Variants in DCC observed in about 807,000 individuals in gnomAD.
DCC encodes netrin receptor DCC.
DCC carries 58 observed loss-of-function variants against 172.5 expected under a neutral mutation model. The observed-to-expected ratio is 0.34, with a 90% CI of 0.27 to 0.42. The LOEUF is 0.42. Ranked by LOEUF, DCC falls within the 10% of genes least tolerant of loss-of-function variation. The probability of loss-of-function intolerance (pLI) is 1.00; values close to 1 mark genes in which losing one functional copy is unlikely to be tolerated. For missense variants in DCC, 1,740 were observed against 1,791.0 expected, an observed-to-expected ratio of 0.97 and a Z score of 0.51; for synonymous variants, 709 against 644.5, an observed-to-expected ratio of 1.10 and a Z score of -1.52.
intron 14 of DCC, among the ~76,000 whole-genome samples, chr18:53,331,258 TG>T (rs1193985359): frequency 6.6e-6 from 1 of 152,224 alleles, no homozygotes; most frequent in Non-Finnish European, 1.5e-5. Context: ...TCTGTAGTTT[TG>T]AGAGCATACG....
intron 12 of DCC, among the ~76,000 whole-genome samples, chr18:53,251,179 G>T (rs1449746163): frequency 6.6e-6 from 1 of 151,894 alleles, no homozygotes; most frequent in African/African-American, 2.4e-5. Context: ...CTTTCTGACA[G>T]ATGTTGTTAA....
intron 12 of DCC, among the ~76,000 whole-genome samples, chr18:53,255,827 C>A (rs1044145299): frequency 1.3e-5 from 2 of 152,160 alleles, no homozygotes; most frequent in Non-Finnish European, 2.9e-5. Context: ...ACAGTTCCAC[C>A]AACAGTGTAA....
chr18:52,905,751 T>C (rs1598916093), intron 2 of DCC, among the ~76,000 whole-genome samples: 1 of 152,332 alleles, frequency 6.6e-6, no homozygotes, highest in Non-Finnish European at 1.5e-5. Context: ...AATTTCCTTA[T>C]CTATAAAATT....
chr18:53,159,867 A>T (rs898273557), intron 8 of DCC, among the ~76,000 whole-genome samples: 15 of 152,326 alleles, frequency 9.8e-5, no homozygotes, highest in Non-Finnish European at 1.9e-4. Flanking sequence ...TCTACCTGTT[A>T]GCATTGCTAT....
rs1460309093 is a variant in DCC at position 53,047,293 on chromosome 18, T to G, written c.986-16012T>G. Among the ~76,000 whole-genome samples the G allele has an allele frequency of 4.9e-4, 8 of 16,326 alleles. 1 individual carries two copies. Among genetic ancestry groups the G allele is most frequent in the Middle Eastern group, 0.028 (1 of 36 alleles). The allele number at this position is 16,326 out of a possible 152,430, so 10.7% of individuals were successfully genotyped here. A position where few individuals can be genotyped will look rare whatever the true frequency, so the allele number is the denominator to read the frequency against. On this transcript the variant is annotated intron_variant, in intron 5 of 28. Coordinates refer to ENST00000442544, the MANE Select transcript of DCC (RefSeq NM_005215.4). ...ATATATATATATATATATATAATTT[T>G]ATATATATATATATAATTTTATATA... is the stretch of plus-strand genomic sequence containing the variant.
intron 1 of DCC, among the ~76,000 whole-genome samples, chr18:52,573,574 G>T (rs531703899): frequency 2.0e-5 from 3 of 152,274 alleles, no homozygotes; most frequent in South Asian, 2.1e-4. Flanking sequence ...TTCATTTGTG[G>T]TGTTTTCATT....
chr18:53,483,656 A>G (rs537966048), intron 25 of DCC, among the ~76,000 whole-genome samples: 33 of 151,934 alleles, frequency 2.2e-4, no homozygotes, highest in African/African-American at 7.2e-4. Context: ...TTATATATCT[A>G]TCTTATTTTT....
rs147177994 is a variant in DCC, at chr18:52,906,097, A to G, written c.466A>G (p.Thr156Ala). ...ATCTGTCACAGCCTTCATGGGAGACACAGTGCTACTCAAGTGTGAAGTCAT... is the reference window on the plus strand; with the variant it reads ...ATCTGTCACAGCCTTCATGGGAGACGCAGTGCTACTCAAGTGTGAAGTCAT... ...TESVTAFMGD[T>A]VLLKCEVIGE... is the part of the protein sequence containing the mutation. The change falls in exon 3 of 29, where the codon ACA (threonine) becomes GCA (alanine). Residue 156 changes from threonine (T) to alanine (A), a missense_variant. Thr to Ala is a moderately conservative substitution (Grantham distance 58, BLOSUM62 0). Transcript: ENST00000442544. 51 of 1,613,114 alleles carry G rather than the reference A, an allele frequency of 3.2e-5. No homozygotes were observed. The African/African-American group carries it at 6.4e-4, about 20-fold the overall frequency.
At chr18:52,844,749 GCTT>G (rs1435967353) in intron 2 of DCC, among the ~76,000 whole-genome samples, 2 of 152,112 alleles carry the variant, frequency 1.3e-5, no homozygotes, top group Non-Finnish European at 2.9e-5. Context: ...TGACTATATT[GCTT>G]CTTTTATTCA....
chr18:52,841,969 A>C (rs2038814524), intron 2 of DCC, among the ~76,000 whole-genome samples: 1 of 150,702 alleles, frequency 6.6e-6, no homozygotes, highest in African/African-American at 2.4e-5. Flanking sequence ...ACAAAGATTA[A>C]AGTTTGAGGA....
rs114854986 is a variant in DCC, at chr18:52,881,585, C to T, written c.413-24459C>T. 2.1e-3 allele frequency among the ~76,000 whole-genome samples: 323 copies of T among 152,126 alleles called. 1 individual carries two copies. Among genetic ancestry groups the T allele is most frequent in the African/African-American group, 7.3e-3 (302 of 41,542 alleles). On this transcript the variant is annotated intron_variant, in intron 2 of 28. Transcript: ENST00000442544. ...CTATGAATATCCAGTTTCCCACCAC[C>T]GTTCATTGTTGAAAATGATTTACTG...
At chr18:53,477,104 G>C (rs1431619789) in intron 25 of DCC, among the ~76,000 whole-genome samples, 1 of 152,148 alleles carries the variant, frequency 6.6e-6, no homozygotes, top group African/African-American at 2.4e-5. Flanking sequence ...CACCTCACGG[G>C]CTCAAGCAAT....
chr18:52,829,031 A>G (rs1389074670), intron 2 of DCC, among the ~76,000 whole-genome samples: 3 of 152,234 alleles, frequency 2.0e-5, no homozygotes, highest in Admixed American at 2.0e-4. Context: ...AAATACAATT[A>G]GGTCAAATTA....
intron 1 of DCC, among the ~76,000 whole-genome samples, chr18:52,374,916 T>G (rs1325824749): frequency 2.6e-5 from 4 of 152,192 alleles, no homozygotes; most frequent in African/African-American, 9.6e-5. Flanking sequence ...CCTTTTTTTC[T>G]CCTTCTCAAT....
At chr18:53,200,832 A>G (rs72923243) in intron 9 of DCC, among the ~76,000 whole-genome samples, 188 of 152,116 alleles carry the variant, frequency 1.2e-3, no homozygotes, top group Non-Finnish European at 2.2e-3. Flanking sequence ...GCTCTCTCAG[A>G]TTGCTCTTCC....
chr18:53,061,532 A>ATTCTTTTTT (rs2042494698), intron 5 of DCC, among the ~76,000 whole-genome samples: 1 of 152,120 alleles, frequency 6.6e-6, no homozygotes, highest in African/African-American at 2.4e-5. Flanking sequence ...GAAGAACTTA[A>ATTCTTTTTT]ATAATAAAGG....
intron 3 of DCC, among the ~76,000 whole-genome samples, chr18:52,908,470 A>C (rs1209060159): frequency 6.6e-6 from 1 of 152,214 alleles, no homozygotes; most frequent in Non-Finnish European, 1.5e-5. Flanking sequence ...GCATCTGTTG[A>C]GTATATCAGA....
chr18:52,626,676 C>T (rs989600646), intron 1 of DCC, among the ~76,000 whole-genome samples: 1 of 152,084 alleles, frequency 6.6e-6, no homozygotes, highest in Non-Finnish European at 1.5e-5. Context: ...GGTTTCACAT[C>T]CGTAGATTTA....
At chr18:52,431,641 T>G (rs1194597701) in intron 1 of DCC, among the ~76,000 whole-genome samples, 2 of 152,190 alleles carry the variant, frequency 1.3e-5, no homozygotes, top group Non-Finnish European at 2.9e-5. Context: ...CAATGCCAGA[T>G]GAAATGCTCA....
Sources: gnomAD v4.1 joint callset for allele counts (sites outside exome capture counted in the v4.1 genomes callset) on GRCh38, gnomAD v4.1.1 for gene constraint, MANE v1.5 for transcripts, NCBI Gene and HGNC (gene_info 2026-07-23, HGNC 2026-07-21) for gene names.